FAM163A: variants seen among roughly 807,000 people sequenced by gnomAD.
The protein encoded by FAM163A is family with sequence similarity 163 member A.
Under a neutral mutation model 12.0 loss-of-function variants are expected in FAM163A, and 7 were observed. The observed-to-expected ratio is 0.58, with a 90% CI of 0.33 to 1.10. The LOEUF is 1.10. Ranked by LOEUF, FAM163A falls within the 50% of genes least tolerant of loss-of-function variation. The probability of loss-of-function intolerance (pLI) is 0.03; values close to 1 mark genes in which losing one functional copy is unlikely to be tolerated. For missense variants in FAM163A, 202 were observed against 218.6 expected (o/e 0.92, Z 0.48); for synonymous variants, 101 against 91.0 (o/e 1.11, Z -0.62).
At chr1:179,735,001 G>T in the FAM163A span, among the ~76,000 whole-genome samples, 1 of 152,082 alleles carries the variant, frequency 6.6e-6, no homozygotes, top group African/African-American at 2.4e-5. Flanking sequence ...TATATTAAAA[G>T]TTAAAACAAA....
chr1:179,777,508 C>G (rs1227977745), intron 1 of FAM163A, among the ~76,000 whole-genome samples: 5 of 152,196 alleles, frequency 3.3e-5, no homozygotes, highest in African/African-American at 4.8e-5. Flanking sequence ...CTCAGACCTC[C>G]TGGACTCTGG....
intron 1 of FAM163A, among the ~76,000 whole-genome samples, chr1:179,745,119 A>T (rs887750747): frequency 2.6e-5 from 4 of 151,878 alleles, no homozygotes; most frequent in Admixed American, 2.6e-4. Flanking sequence ...GAGAATCTAA[A>T]CCAGCAGGTA....
chr1:179,763,595 T>C (rs1687096509), intron 1 of FAM163A, among the ~76,000 whole-genome samples: 2 of 152,228 alleles, frequency 1.3e-5, no homozygotes, highest in South Asian at 4.1e-4. Context: ...TGTGTAATTC[T>C]TTAATCAGAA....
At position 179,814,045 on chromosome 1, in the gene FAM163A, G is replaced by C; in HGVS notation, c.360G>C (p.Glu120Asp). The change falls in exon 5 of 5, where the codon GAG (glutamate) becomes GAC (aspartate). Residue 120 changes from glutamate to aspartate, a missense_variant. Transcript: ENST00000341785. The stretch of plus-strand genomic sequence containing the variant: ...TGGTGCCCAATGGGGGTGGAGGCGA[G>C]AGGCTCTCCTTTGCTCCCACATACT... ...ADMVPNGGGGERLSFAPTYYK... is the reference protein window; with the variant it reads ...ADMVPNGGGGDRLSFAPTYYK... The C allele has an allele frequency of 6.2e-7, 1 of 1,613,766 alleles. No individual in the cohort carries two copies. Among genetic ancestry groups the C allele is most frequent in the East Asian group, 2.2e-5 (1 of 44,866 alleles).
chr1:179,789,546 A>T (rs1236740050), intron 1 of FAM163A, among the ~76,000 whole-genome samples: 1 of 152,194 alleles, frequency 6.6e-6, no homozygotes, highest in East Asian at 1.9e-4. Flanking sequence ...TCCTTATTTT[A>T]GAACATCATT....
At chr1:179,736,698 T>A in the FAM163A span, among the ~76,000 whole-genome samples, 1 of 151,886 alleles carries the variant, frequency 6.6e-6, no homozygotes, top group African/African-American at 2.4e-5. Flanking sequence ...TAATCCCAGC[T>A]ACTTGGGAGG....
At chr1:179,740,562 G>C (rs542586408), upstream of FAM163A, among the ~76,000 whole-genome samples, 143 of 151,354 alleles carry the variant, frequency 9.4e-4, 1 homozygote, top group Non-Finnish European at 1.5e-4. Context: ...ACAAAATACT[G>C]ATACAACAAC....
intron 4 of FAM163A, 142 bp from the exon 5 acceptor site, chr1:179,813,637 T>G (rs1238298550): frequency 2.2e-6 from 2 of 908,680 alleles, no homozygotes; most frequent in Non-Finnish European, 3.3e-6. Flanking sequence ...GATTAGAAAC[T>G]TGTGGAGCAG....
rs1695180865 is a variant in FAM163A at position 179,815,069 on chromosome 1, G to C, written c.*880G>C. 6.5e-6 allele frequency: 1 copy of C among 153,762 alleles called. No individual in the cohort carries two copies. The highest frequency in any genetic ancestry group is 2.4e-5 in the African/African-American group (1 of 41,308). 9.5% of individuals were successfully genotyped at this position (153,762 alleles called of 1,614,324 possible). A position where few individuals can be genotyped will look rare whatever the true frequency, so the allele number is the denominator to read the frequency against. On this transcript the variant is annotated 3_prime_UTR_variant, in exon 5 of 5. Coordinates refer to ENST00000341785, the MANE Select transcript of FAM163A (RefSeq NM_173509.3). ...TGTGTGGATGCAGTCCTGTGAGGGTGTGCATAACCGTTCCCAGGTGTACGC... is the reference window on the plus strand; with the variant it reads ...TGTGTGGATGCAGTCCTGTGAGGGTCTGCATAACCGTTCCCAGGTGTACGC...
At chr1:179,750,983 C>CA (rs1236248490) in intron 1 of FAM163A, among the ~76,000 whole-genome samples, 24 of 152,104 alleles carry the variant, frequency 1.6e-4, no homozygotes, top group African/African-American at 5.8e-4. Context: ...TCCAGACTTC[C>CA]AGCTTTGTAC....
At chr1:179,801,575 A>G (rs1161981603) in intron 1 of FAM163A, among the ~76,000 whole-genome samples, 1 of 152,246 alleles carries the variant, frequency 6.6e-6, no homozygotes, top group Non-Finnish European at 1.5e-5. Context: ...CACCCTGTAG[A>G]GAAAGGTGTA....
At chr1:179,809,190 A>G (rs1571592577) in intron 2 of FAM163A, among the ~76,000 whole-genome samples, 1 of 152,058 alleles carries the variant, frequency 6.6e-6, no homozygotes, top group Non-Finnish European at 1.5e-5. Context: ...TACCCTGTAC[A>G]TGTCCCTTCC....
chr1:179,777,864 A>G (rs1210254486), intron 1 of FAM163A, among the ~76,000 whole-genome samples: 1 of 152,216 alleles, frequency 6.6e-6, no homozygotes, highest in Non-Finnish European at 1.5e-5. Flanking sequence ...TAAGAAGCTC[A>G]GAGTTAAATC....
chr1:179,742,704 G>GC (rs1249650044), upstream of FAM163A: 1 of 152,280 alleles, frequency 6.6e-6, no homozygotes, highest in Non-Finnish European at 1.5e-5. Context: ...GAAATCTAGC[G>GC]CACCATTCAG....
intron 1 of FAM163A, among the ~76,000 whole-genome samples, chr1:179,785,285 GA>G (rs979086551): frequency 6.6e-6 from 1 of 152,208 alleles, no homozygotes; most frequent in African/African-American, 2.4e-5. Flanking sequence ...TGGTCGACTA[GA>G]AAGGTCACTG....
intron 3 of FAM163A, 111 bp from the exon 4 acceptor site, chr1:179,812,965 C>A: frequency 1.0e-6 from 1 of 983,842 alleles, no homozygotes; most frequent in Non-Finnish European, 1.5e-6. Context: ...CCGGCACCTG[C>A]TGCTCTCAGG....
intron 1 of FAM163A, among the ~76,000 whole-genome samples, chr1:179,802,084 G>A (rs1693261129): frequency 1.3e-5 from 2 of 152,218 alleles, no homozygotes; most frequent in Middle Eastern, 3.2e-3. Flanking sequence ...TTCAGATGCA[G>A]AAGACTAAGT....
At chr1:179,783,504 T>A (rs1024388089) in intron 1 of FAM163A, among the ~76,000 whole-genome samples, 14 of 152,016 alleles carry the variant, frequency 9.2e-5, no homozygotes, top group African/African-American at 3.1e-4. Flanking sequence ...ACCTTTTTTT[T>A]ATTTTTCCTA....
At chr1:179,764,552 A>G (rs1557911917) in intron 1 of FAM163A, among the ~76,000 whole-genome samples, 1 of 152,214 alleles carries the variant, frequency 6.6e-6, no homozygotes, top group Non-Finnish European at 1.5e-5. Context: ...AGGTATTGAT[A>G]GGGTAATCAA....
Sources: gnomAD v4.1 joint callset for allele counts (sites outside exome capture counted in the v4.1 genomes callset) on GRCh38, gnomAD v4.1.1 for gene constraint, MANE v1.5 for transcripts, NCBI Gene and HGNC (gene_info 2026-07-23, HGNC 2026-07-21) for gene names.